The following LARGE1 variants were observed in gnomAD, a reference collection of about 807,000 sequenced individuals.
LARGE1 encodes LARGE xylosyl- and glucuronyltransferase 1, also known as xylosyl- and glucuronyltransferase LARGE1.
LARGE1 carries 43 observed loss-of-function variants against 87.6 expected under a neutral mutation model. The ratio of observed to expected loss-of-function variants is 0.49; its 90% CI spans 0.38 to 0.63. The LOEUF (loss-of-function observed/expected upper bound fraction) is 0.63. Ranked by LOEUF, LARGE1 falls within the 30% of genes least tolerant of loss-of-function variation. LARGE1 has a pLI of 0.00. For missense variants in LARGE1, 802 were observed against 1,000.2 expected (o/e 0.80, Z 2.67); for synonymous variants, 434 against 394.6 (o/e 1.10, Z -1.18).
chr22:33,563,815 G>A (rs546801473), intron 6 of LARGE1, among the ~76,000 whole-genome samples: 12 of 152,078 alleles, frequency 7.9e-5, no homozygotes, highest in African/African-American at 2.9e-4. Flanking sequence ...AAAGAGTCCC[G>A]GGGATCAAAA....
intron 4 of LARGE1, among the ~76,000 whole-genome samples, chr22:33,614,327 A>T (rs738962): frequency 0.74 from 112,674 of 151,994 alleles, 41,966 homozygotes; most frequent in African/African-American, 0.82. Flanking sequence ...ATCTCATGAA[A>T]ATATTCACTC....
intron 2 of LARGE1, among the ~76,000 whole-genome samples, chr22:33,657,697 C>G (rs902530370): frequency 6.6e-6 from 1 of 152,136 alleles, no homozygotes; most frequent in African/African-American, 2.4e-5. Context: ...TCTCCCTGTT[C>G]CTGTCAGCTC....
At chr22:33,263,369 A>C (rs968423874) in intron 11 of LARGE1, among the ~76,000 whole-genome samples, 1 of 152,352 alleles carries the variant, frequency 6.6e-6, no homozygotes, top group Non-Finnish European at 1.5e-5. Flanking sequence ...GTGTTATAGA[A>C]GACTCAGGTT....
At chr22:33,450,937 C>T (rs2147914814) in intron 6 of LARGE1, among the ~76,000 whole-genome samples, 1 of 152,262 alleles carries the variant, frequency 6.6e-6, no homozygotes, top group African/African-American at 2.4e-5. Flanking sequence ...TCATCCAACA[C>T]CTCCAAATGC....
At chr22:33,911,718 G>A (rs189105264) in intron 1 of LARGE1, among the ~76,000 whole-genome samples, 4 of 152,314 alleles carry the variant, frequency 2.6e-5, no homozygotes, top group Admixed American at 1.3e-4. Flanking sequence ...CAAACTCGGA[G>A]GAAAGAAAGC....
intron 10 of LARGE1, chr22:33,321,070 G>C (rs1439300943): frequency 6.6e-6 from 1 of 152,220 alleles, no homozygotes; most frequent in Non-Finnish European, 1.5e-5. Flanking sequence ...ACCTTTCTGA[G>C]CTTCAGGGTC....
chr22:33,274,293 T>C lies in LARGE1; in HGVS notation c.*134A>G. 2.2e-6 allele frequency: 2 copies of C among 929,150 alleles called. No individual in the cohort carries two copies. Among genetic ancestry groups the C allele is most frequent in the Non-Finnish European group, 3.4e-6 (2 of 580,662 alleles). The allele number at this position is 929,150 out of a possible 1,614,324, so 57.6% of individuals were successfully genotyped here. On this transcript the variant is annotated 3_prime_UTR_variant, in exon 15 of 15. Coordinates refer to ENST00000397394, the MANE Select transcript of LARGE1 (RefSeq NM_133642.5). Reference sequence around the variant, plus strand: ...CCAAGGTCTCTGTAGTGAGGGCAGCTTGGCTGGGCCAAAGAGATAAATAAA... The same window carrying C: ...CCAAGGTCTCTGTAGTGAGGGCAGCCTGGCTGGGCCAAAGAGATAAATAAA...
In LARGE1 at chr22:33,381,070, T is replaced by A. The variant is rs532456030; in HGVS notation, c.1131+849A>T. Among the ~76,000 whole-genome samples, 6 of 152,330 alleles carry A rather than the reference T, an allele frequency of 3.9e-5. No individual in the cohort carries two copies. The South Asian group carries it at 1.2e-3, about 32-fold the overall frequency. Reference sequence around the variant, plus strand: ...TTTCCTCTTGTGTATTAGGGCTTCCTCTGCCACCTCTGCCTCACCATGAGA... The same window carrying A: ...TTTCCTCTTGTGTATTAGGGCTTCCACTGCCACCTCTGCCTCACCATGAGA... On this transcript the variant is annotated intron_variant, in intron 9 of 14. Transcript: ENST00000397394.
intron 2 of LARGE1, among the ~76,000 whole-genome samples, chr22:33,680,079 C>T (rs980376559): frequency 6.6e-6 from 1 of 152,152 alleles, no homozygotes; most frequent in Non-Finnish European, 1.5e-5. Flanking sequence ...TCTAAAGTGG[C>T]TCATGGCCCT....
chr22:33,335,914 G>A (rs952219283), intron 10 of LARGE1, among the ~76,000 whole-genome samples: 2 of 152,102 alleles, frequency 1.3e-5, no homozygotes, highest in Non-Finnish European at 2.9e-5. Context: ...TGTTTTCTGC[G>A]AGTTTAGTTA....
chr22:33,258,011 T>TG (rs943005530), intron 11 of LARGE1, among the ~76,000 whole-genome samples: 23 of 150,398 alleles, frequency 1.5e-4, no homozygotes, highest in Non-Finnish European at 2.5e-4. Context: ...TTTACCTGGA[T>TG]GGGGGGATCA....
rs886038552 is a variant in LARGE1, at chr22:33,761,461, T to G, written c.16A>C (p.Arg6=). 3 of 1,613,974 alleles carry G rather than the reference T, an allele frequency of 1.9e-6. No homozygotes were observed. Among genetic ancestry groups the G allele is most frequent in the Middle Eastern group, 1.7e-4 (1 of 6,050 alleles). Residue 6 remains arginine (R), a synonymous_variant, in exon 2 of 15, where the codon AGG becomes CGG. Transcript: ENST00000397394. MLGIC[R]GRRKFLAASL... ...GCAGCCAAGAATTTCCGTCTCCCCC[T>G]GCAGATTCCCAGCATCCTCTCAGAA...
the LARGE1 span, among the ~76,000 whole-genome samples, chr22:33,089,500 T>A: frequency 6.6e-6 from 1 of 151,306 alleles, no homozygotes; most frequent in Non-Finnish European, 1.5e-5. Flanking sequence ...CTTCTTCTCC[T>A]CCTCCTTCTT....
chr22:33,445,149 G>A (rs1288539063), intron 6 of LARGE1, among the ~76,000 whole-genome samples: 1 of 152,118 alleles, frequency 6.6e-6, no homozygotes, highest in African/African-American at 2.4e-5. Context: ...TCTTACAAGG[G>A]CACCAGTCTT....
intron 12 of LARGE1, among the ~76,000 whole-genome samples, chr22:33,293,650 G>C (rs545412231): frequency 6.6e-5 from 10 of 152,182 alleles, no homozygotes; most frequent in Non-Finnish European, 1.5e-4. Context: ...AGGAGGCTAC[G>C]ATCTGTGTAC....
At chr22:33,850,173 C>G (rs760274581) in intron 1 of LARGE1, among the ~76,000 whole-genome samples, 36 of 152,192 alleles carry the variant, frequency 2.4e-4, no homozygotes, top group Non-Finnish European at 4.7e-4. Flanking sequence ...ACTCTCTGGA[C>G]TGAGGATCAG....
chr22:33,872,946 A>G (rs2064342170), intron 1 of LARGE1, among the ~76,000 whole-genome samples: 1 of 152,034 alleles, frequency 6.6e-6, no homozygotes. Flanking sequence ...GTTACAGTGA[A>G]CCGAGATTGC....
In LARGE1 at chr22:33,304,371, C is replaced by A; in HGVS notation, c.1588G>T (p.Gly530Cys). The change falls in exon 12 of 15, where the codon GGC becomes TGC. Residue 530 changes from glycine (G) to cysteine (C), a missense_variant. Transcript: ENST00000397394. ...CCCTCCTTGTACACGATGTGGTAGC[C>A]CACGTTGTGGCGGCTCATAAGCACC... is the stretch of plus-strand genomic sequence containing the variant. ...SEVLMSRHNVGYHIVYKEGQF... is the reference protein window; with the variant it reads ...SEVLMSRHNVCYHIVYKEGQF... 6.2e-7 allele frequency: 1 copy of A among 1,614,274 alleles called. No individual in the cohort carries two copies. Among genetic ancestry groups the A allele is most frequent in the Non-Finnish European group, 8.5e-7 (1 of 1,180,050 alleles).
chr22:33,428,080 T>C (rs1404239547), intron 7 of LARGE1, among the ~76,000 whole-genome samples: 1 of 152,148 alleles, frequency 6.6e-6, no homozygotes, highest in African/African-American at 2.4e-5. Flanking sequence ...GAAAGTAAAA[T>C]ACTTACTCGT....
Sources: gnomAD v4.1 joint callset for allele counts (sites outside exome capture counted in the v4.1 genomes callset) on GRCh38, gnomAD v4.1.1 for gene constraint, MANE v1.5 for transcripts, NCBI Gene and HGNC (gene_info 2026-07-23, HGNC 2026-07-21) for gene names.